Variants in SCAPER observed in about 807,000 individuals in gnomAD.
SCAPER encodes the protein S phase cyclin A-associated protein in the endoplasmic reticulum.
SCAPER carries 98 observed loss-of-function variants against 182.2 expected under a neutral mutation model. The observed-to-expected ratio is 0.54, with a 90% CI of 0.46 to 0.64. The LOEUF (loss-of-function observed/expected upper bound fraction) is 0.64. Ranked by LOEUF, SCAPER falls within the 30% of genes least tolerant of loss-of-function variation. SCAPER has a pLI of 0.00. For missense variants in SCAPER, 1,432 were observed against 1,690.0 expected, an observed-to-expected ratio of 0.85 and a Z score of 2.68; for synonymous variants, 605 against 564.6, an observed-to-expected ratio of 1.07 and a Z score of -1.01.
rs531725744 is a variant in SCAPER, at chr15:76,712,211, T to A, written c.2166-6227A>T. On this transcript the variant is annotated intron_variant, in intron 17 of 31. Coordinates refer to ENST00000563290, the MANE Select transcript of SCAPER (RefSeq NM_020843.4). Reference sequence around the variant, plus strand: ...AAATAGGGAATCCTTTCCCCATTGCTTCTTTTTCTCAGGTTTGTCAAAGAT... The same window carrying A: ...AAATAGGGAATCCTTTCCCCATTGCATCTTTTTCTCAGGTTTGTCAAAGAT... Among the ~76,000 whole-genome samples the A allele has an allele frequency of 3.3e-5, 5 of 152,350 alleles. No individual in the cohort carries two copies. In the South Asian group the frequency reaches 1.0e-3, roughly 32 times the overall value.
At chr15:76,446,843 A>G (rs1194457258) in intron 25 of SCAPER, among the ~76,000 whole-genome samples, 4 of 152,180 alleles carry the variant, frequency 2.6e-5, no homozygotes, top group African/African-American at 7.2e-5. Flanking sequence ...TGACTTTATC[A>G]TGGTGTGAAA....
intron 29 of SCAPER, among the ~76,000 whole-genome samples, chr15:76,368,384 G>T (rs150619988): frequency 1.3e-5 from 2 of 152,342 alleles, no homozygotes; most frequent in Middle Eastern, 3.4e-3. Context: ...ATTTCTGTGC[G>T]TGGGGAAACA....
intron 27 of SCAPER, among the ~76,000 whole-genome samples, chr15:76,394,034 T>C (rs905334963): frequency 1.3e-5 from 2 of 152,212 alleles, no homozygotes; most frequent in African/African-American, 4.8e-5. Context: ...GTGAGATTAA[T>C]AGATGGTTGT....
intron 14 of SCAPER, among the ~76,000 whole-genome samples, chr15:76,754,499 CA>C (rs1193104502): frequency 6.6e-6 from 1 of 151,706 alleles, no homozygotes; most frequent in East Asian, 1.9e-4. Flanking sequence ...GTTTCACCTA[CA>C]AAAAAAGATA....
At chr15:76,402,109 AGAGT>A (rs1460147776) in intron 27 of SCAPER, among the ~76,000 whole-genome samples, 7 of 152,186 alleles carry the variant, frequency 4.6e-5, no homozygotes, top group Non-Finnish European at 7.3e-5. Flanking sequence ...CCTGGGCGAC[AGAGT>A]GAGTAAGATT....
At chr15:76,381,263 C>G in intron 28 of SCAPER, 115 bp downstream of exon 28, 1 of 682,730 alleles carries the variant, frequency 1.5e-6, no homozygotes, top group South Asian at 2.3e-5. Context: ...ATTATAATTC[C>G]ATTTATTGTA....
chr15:76,433,494 T>C (rs1300181005), intron 26 of SCAPER, among the ~76,000 whole-genome samples: 1 of 152,042 alleles, frequency 6.6e-6, no homozygotes, highest in African/African-American at 2.4e-5. Flanking sequence ...GACTGGGTGA[T>C]AGAAAAAACA....
chr15:76,646,631 A>G (rs28605733), intron 21 of SCAPER, among the ~76,000 whole-genome samples: 12,849 of 152,200 alleles, frequency 0.084, 629 homozygotes, highest in Middle Eastern at 0.12. Flanking sequence ...TCTTTGCCAA[A>G]CTATGAATTC....
At position 76,771,948 on chromosome 15, in the gene SCAPER, C is replaced by T; in HGVS notation, c.1042G>A (p.Val348Met). 6.2e-7 allele frequency: 1 copy of T among 1,606,866 alleles called. No individual in the cohort carries two copies. Among genetic ancestry groups the T allele is most frequent in the Non-Finnish European group, 8.5e-7 (1 of 1,177,008 alleles). The change falls in exon 10 of 32, where the codon GTG becomes ATG. Residue 348 changes from valine (V) to methionine (M), a missense_variant. This residue lies in a region of SCAPER where 480 missense variants were observed against 510.2 expected (regional missense o/e 0.94). Transcript: ENST00000563290. ...HPLAEKTQFTVSTLDDVKNSG... is the reference protein window; with the variant it reads ...HPLAEKTQFTMSTLDDVKNSG... ...TTCTTCACATCATCCAATGTACTCA[C>T]TGTGAACTAACAAAACGTAGAGAAT...
At chr15:76,904,141 T>C (rs971722338) in intron 1 of SCAPER, among the ~76,000 whole-genome samples, 1 of 152,054 alleles carries the variant, frequency 6.6e-6, no homozygotes, top group South Asian at 2.1e-4. Context: ...AGCACCAGTA[T>C]AGGCCAGAGT....
chr15:76,550,448 G>A (rs1597343409), intron 23 of SCAPER, among the ~76,000 whole-genome samples: 1 of 152,136 alleles, frequency 6.6e-6, no homozygotes, highest in African/African-American at 2.4e-5. Context: ...TGCGGTGTTT[G>A]GTTTTCTGTG....
intron 2 of SCAPER, among the ~76,000 whole-genome samples, chr15:76,864,197 G>C (rs777683223): frequency 2.6e-5 from 4 of 152,154 alleles, no homozygotes; most frequent in Non-Finnish European, 5.9e-5. Flanking sequence ...TATACTGATT[G>C]ATTTCAATCC....
At position 76,534,393 on chromosome 15, in the gene SCAPER, CA is replaced by C. The variant is rs1438360596; in HGVS notation, c.2839-29420del. 2.0e-5 allele frequency among the ~76,000 whole-genome samples: 3 copies of C among 152,136 alleles called. No homozygotes were observed. The East Asian group carries it at 5.8e-4, about 29-fold the overall frequency. On this transcript the variant is annotated intron_variant, in intron 23 of 31. Transcript: ENST00000563290. The stretch of plus-strand genomic sequence containing the variant: ...GGTCATAAGTGTTGTCATCAGTCTT[CA>C]AAAAATATGCACCAAAGATACGGTC...
intron 23 of SCAPER, chr15:76,567,214 C>T: frequency 3.2e-5 from 11 of 348,106 alleles, no homozygotes; most frequent in East Asian, 1.8e-4. Flanking sequence ...TATTGTTATC[C>T]ACAGATGTAG....
chr15:76,689,356 A>C (rs1377595618), intron 20 of SCAPER, among the ~76,000 whole-genome samples: 1 of 152,182 alleles, frequency 6.6e-6, no homozygotes, highest in African/African-American at 2.4e-5. Flanking sequence ...AGCAAGTTTG[A>C]TTAAGGCAAA....
intron 23 of SCAPER, among the ~76,000 whole-genome samples, chr15:76,511,600 T>C (rs866719337): frequency 6.6e-6 from 1 of 152,152 alleles, no homozygotes; most frequent in African/African-American, 2.4e-5. Flanking sequence ...ATTCCTTATA[T>C]AACCTCTACT....
At chr15:76,811,522 G>A (rs1183206695) in intron 5 of SCAPER, among the ~76,000 whole-genome samples, 1 of 152,254 alleles carries the variant, frequency 6.6e-6, no homozygotes, top group African/African-American at 2.4e-5. Context: ...CAGGCGCGGT[G>A]GCTCATGCCT....
chr15:76,369,340 A>AG (rs1411844031), intron 29 of SCAPER, among the ~76,000 whole-genome samples: 3 of 152,224 alleles, frequency 2.0e-5, no homozygotes, highest in Admixed American at 1.3e-4. Context: ...TATTAAATGA[A>AG]TTGAGCATCT....
chr15:76,890,431 A>G (rs1015219731), intron 1 of SCAPER, among the ~76,000 whole-genome samples: 2 of 152,176 alleles, frequency 1.3e-5, no homozygotes, highest in Non-Finnish European at 2.9e-5. Flanking sequence ...GAAGACTAAT[A>G]AAGAAGAAAA....
Sources: allele counts gnomAD v4.1 joint callset (sites outside exome capture counted in the v4.1 genomes callset), GRCh38; gene constraint gnomAD v4.1.1; regional missense constraint gnomAD v4.1.1; transcripts MANE v1.5; gene names NCBI Gene and HGNC (gene_info 2026-07-23, HGNC 2026-07-21).